Variants in AZI2 observed in about 807,000 individuals in gnomAD.
AZI2 encodes the protein 5-azacytidine induced 2.
In AZI2, 22 loss-of-function variants were observed where a neutral mutation model predicts 45.8. The ratio of observed to expected loss-of-function variants is 0.48; its 90% CI spans 0.34 to 0.69. The LOEUF (loss-of-function observed/expected upper bound fraction) is 0.69. AZI2 is among the 30% of genes least tolerant of loss of function. The pLI is 0.01. For missense variants in AZI2, 417 were observed against 441.5 expected (o/e 0.94, Z 0.50); for synonymous variants, 137 against 156.7 (o/e 0.87, Z 0.94).
intron 6 of AZI2, among the ~76,000 whole-genome samples, chr3:28,329,397 A>G (rs1258478112): frequency 1.3e-5 from 2 of 151,108 alleles, no homozygotes; most frequent in East Asian, 3.9e-4. Context: ...AAGCACCTAC[A>G]ATATGCTGAC....
At chr3:28,326,757 TGATAA>T (rs1703405886) in intron 7 of AZI2, 70 bp downstream of exon 7, 1 of 1,085,000 alleles carries the variant, frequency 9.2e-7, no homozygotes, top group African/African-American at 1.6e-5. Context: ...GATGAGATTT[TGATAA>T]GATATGACAG....
rs1474855045 is a variant in AZI2 at position 28,322,785 on chromosome 3, G to A, written c.*1257C>T. The A allele has an allele frequency of 6.6e-6, 1 of 151,422 alleles. No homozygotes were observed. The highest frequency in any genetic ancestry group is 1.5e-5 in the Non-Finnish European group (1 of 67,338). The allele number at this position is 151,422 out of a possible 1,614,324, so 9.4% of individuals were successfully genotyped here. On this transcript the variant is annotated 3_prime_UTR_variant, in exon 8 of 8. Coordinates refer to ENST00000479665, the MANE Select transcript of AZI2 (RefSeq NM_022461.5). ...TAGAAAAAAATATCTAGTGAATGGC[G>A]AACATTGTCTATGTATGTATGCTAT...
chr3:28,329,923 C>G (rs1471645052), intron 6 of AZI2, among the ~76,000 whole-genome samples: 1 of 151,292 alleles, frequency 6.6e-6, no homozygotes, highest in East Asian at 1.9e-4. Context: ...CTGACTTATT[C>G]CATATTTTTA....
At chr3:28,338,864 C>T (rs200558467) in intron 2 of AZI2, among the ~76,000 whole-genome samples, 1 of 152,040 alleles carries the variant, frequency 6.6e-6, no homozygotes, top group East Asian at 1.9e-4. Flanking sequence ...TGTTTTATAA[C>T]ATTAAATCAT....
Position 28,338,035 on chromosome 3 carries a change from T to C in AZI2, c.341A>G (p.Asn114Ser), listed in dbSNP as rs1177479156. The change falls in exon 4 of 8, where the codon AAT becomes AGT. Residue 114 changes from asparagine (N) to serine (S), a missense_variant and splice_region_variant. Coordinates refer to ENST00000479665, the MANE Select transcript of AZI2 (RefSeq NM_022461.5). ...DNLKSKLDKMNKDNSESLKVL... is the reference protein window; with the variant it reads ...DNLKSKLDKMSKDNSESLKVL... ...TTTCAAAGATTCAGAGTTGTCTTTA[T>C]TCTAGTTAAGTAGGGAAAATGCCAA... 6.4e-7 allele frequency: 1 copy of C among 1,557,008 alleles called. No individual in the cohort carries two copies. Among genetic ancestry groups the C allele is most frequent in the Non-Finnish European group, 8.7e-7 (1 of 1,145,268 alleles).
Position 28,321,459 on chromosome 3 carries a change from T to C in AZI2, c.*2583A>G, listed in dbSNP as rs938537311. 3 of 151,432 alleles carry C rather than the reference T, an allele frequency of 2.0e-5. No individual in the cohort carries two copies. Among genetic ancestry groups the C allele is most frequent in the South Asian group, 2.1e-4 (1 of 4,822 alleles). The allele number at this position is 151,432 out of a possible 1,614,324, so 9.4% of individuals were successfully genotyped here. A position where few individuals can be genotyped will look rare whatever the true frequency, so the allele number is the denominator to read the frequency against. ...ATAAATAATATGTTCATCCTCCTTA[T>C]GTCAAAGACTAAACCATTCATTGTA... On this transcript the variant is annotated 3_prime_UTR_variant, in exon 8 of 8. Transcript: ENST00000479665.
At chr3:28,331,299 A>G (rs1703560781) in intron 6 of AZI2, among the ~76,000 whole-genome samples, 1 of 151,492 alleles carries the variant, frequency 6.6e-6, no homozygotes, top group Non-Finnish European at 1.5e-5. Context: ...ACCTAGGTTG[A>G]CAGGAGAAAA....
intron 4 of AZI2, among the ~76,000 whole-genome samples, chr3:28,337,475 T>C (rs1703837821): frequency 6.6e-6 from 1 of 152,122 alleles, no homozygotes; most frequent in Non-Finnish European, 1.5e-5. Flanking sequence ...GAGCAGGCTA[T>C]TTATCCATAT....
Position 28,340,622 on chromosome 3 carries a change from ACTGTTT to A in AZI2, c.-5-6_-5-1del. 2 of 1,588,514 alleles carry A rather than the reference ACTGTTT, an allele frequency of 1.3e-6. No individual in the cohort carries two copies. The highest frequency in any genetic ancestry group is 3.6e-5 in the Admixed American group (2 of 54,992). On this transcript the variant is annotated splice_acceptor_variant and splice_polypyrimidine_tract_variant and intron_variant, in intron 1 of 7. Transcript: ENST00000479665. LOFTEE classifies it low-confidence loss of function (5UTR_SPLICE). Reference sequence around the variant, plus strand: ...ATCTTCTACCAGTGCATCCATGACAACTGTTTAAAAGAAAAAAAATATGAGTGACAA... The same window carrying A: ...ATCTTCTACCAGTGCATCCATGACAAAAAAGAAAAAAAATATGAGTGACAA...
chr3:28,340,565 T>C lies in AZI2; in HGVS notation c.53A>G (p.His18Arg), dbSNP rs149777811. ...DICILNHEKA[H>R]KRDTVTPVSI... ...AACTGGAGTCACTGTATCTCTCTTA[T>C]GGGCTTTTTCATGATTCAGAATACA... Residue 18 changes from histidine to arginine, a missense_variant, in exon 2 of 8, where the codon CAT becomes CGT. By Grantham distance (29) the His-to-Arg change is conservative. Coordinates refer to ENST00000479665, the MANE Select transcript of AZI2 (RefSeq NM_022461.5). 5.0e-6 allele frequency: 8 copies of C among 1,613,120 alleles called. No homozygotes were observed. The African/African-American group carries it at 5.3e-5, about 11-fold the overall frequency.
At position 28,336,798 on chromosome 3, in the gene AZI2, A is replaced by C. The variant is rs1389488327; in HGVS notation, c.527T>G (p.Leu176Arg). 1 of 1,613,462 alleles carries C rather than the reference A, an allele frequency of 6.2e-7. No individual in the cohort carries two copies. The highest frequency in any genetic ancestry group is 1.7e-5 in the Admixed American group (1 of 59,956). Residue 176 changes from leucine (L) to arginine (R), a missense_variant, in exon 5 of 8, where the codon CTG becomes CGG. By Grantham distance (102) the Leu-to-Arg change is moderately radical. Transcript: ENST00000479665. ...GCTACATTCTTTCCTCATCAGTTCCAGCTCTTGTTCCAAACCATGGATCTT... is the reference window on the plus strand; with the variant it reads ...GCTACATTCTTTCCTCATCAGTTCCCGCTCTTGTTCCAAACCATGGATCTT... ...DLKIHGLEQE[L>R]ELMRKECSDL... is the part of the protein sequence containing the mutation.
chr3:28,338,645 T>G, intron 2 of AZI2, 30 bp from the exon 3 acceptor site: 2 of 1,587,260 alleles, frequency 1.3e-6, no homozygotes, highest in East Asian at 4.5e-5. Flanking sequence ...AGAGAAAGCT[T>G]AAGAGAGTAT....
At chr3:28,337,391 G>C (rs1215334333) in intron 4 of AZI2, among the ~76,000 whole-genome samples, 1 of 152,080 alleles carries the variant, frequency 6.6e-6, no homozygotes, top group Non-Finnish European at 1.5e-5. Context: ...TATGCTAAGA[G>C]ATTGCATCTC....
intron 1 of AZI2, among the ~76,000 whole-genome samples, chr3:28,347,727 C>T (rs1478208565): frequency 2.0e-5 from 3 of 152,122 alleles, no homozygotes; most frequent in Admixed American, 6.5e-5. Flanking sequence ...AACAATATCA[C>T]ATTAAAATTT....
chr3:28,331,312 TAAC>T (rs774578611), intron 6 of AZI2, among the ~76,000 whole-genome samples: 4 of 151,402 alleles, frequency 2.6e-5, no homozygotes, highest in Non-Finnish European at 4.4e-5. Flanking sequence ...GGAGAAAAGA[TAAC>T]AAGATAATTT....
chr3:28,337,119 A>G, intron 4 of AZI2: 2 of 448,390 alleles, frequency 4.5e-6, no homozygotes, highest in East Asian at 3.7e-5. Flanking sequence ...CACTAAAATA[A>G]GCATATGCTA....
At chr3:28,329,424 TAA>T (rs1703497300) in intron 6 of AZI2, among the ~76,000 whole-genome samples, 2 of 151,302 alleles carry the variant, frequency 1.3e-5, no homozygotes, top group East Asian at 3.9e-4. Context: ...CACAATCTTA[TAA>T]GTTTTATACT....
rs145452060 is a variant in AZI2, at chr3:28,327,631, A to G, written c.648-681T>C. ...AAATGCCTCTCCTGTTTTTATAATTAAAAGTATTTTACCTCAATTATCTAA... is the reference window on the plus strand; with the variant it reads ...AAATGCCTCTCCTGTTTTTATAATTGAAAGTATTTTACCTCAATTATCTAA... On this transcript the variant is annotated intron_variant, in intron 6 of 7. Coordinates refer to ENST00000479665, the MANE Select transcript of AZI2 (RefSeq NM_022461.5). Among the ~76,000 whole-genome samples the G allele has an allele frequency of 5.3e-3, 797 of 151,148 alleles. 9 individuals are homozygous for G. The highest frequency in any genetic ancestry group is 0.018 in the African/African-American group (760 of 41,400).
chr3:28,324,324 T>C lies in AZI2; in HGVS notation c.897A>G (p.Thr299=). Residue 299 remains threonine, a synonymous_variant, in exon 8 of 8, where the codon ACA becomes ACG. Coordinates refer to ENST00000479665, the MANE Select transcript of AZI2 (RefSeq NM_022461.5). ...TTACATCTCCTGGTAAAGGGGAAGA[T>C]GTGGTATGACAAAGAGCTTTGCCAT... is the stretch of plus-strand genomic sequence containing the variant. The part of the protein sequence containing the change: ...LPNGKALCHT[T]SSPLPGDVKV... The C allele has an allele frequency of 6.2e-7, 1 of 1,605,998 alleles. No individual in the cohort carries two copies. Among genetic ancestry groups the C allele is most frequent in the Non-Finnish European group, 8.5e-7 (1 of 1,175,060 alleles).
Sources: gnomAD v4.1 joint callset for allele counts (sites outside exome capture counted in the v4.1 genomes callset) on GRCh38, gnomAD v4.1.1 for gene constraint, MANE v1.5 for transcripts, NCBI Gene and HGNC (gene_info 2026-07-23, HGNC 2026-07-21) for gene names.